The following KLF12 variants were observed in gnomAD, a reference collection of about 807,000 sequenced individuals.
KLF12 encodes the protein Krueppel-like factor 12.
A neutral mutation model predicts 37.8 loss-of-function variants in KLF12; 9 were observed. The observed-to-expected ratio is 0.24, with a 90% CI of 0.14 to 0.42. KLF12 has a LOEUF of 0.42. Among genes scored for constraint, KLF12 ranks in the 10% least tolerant of loss-of-function variants. The pLI, the probability that KLF12 is intolerant of heterozygous loss-of-function variation, is 1.00. For missense variants in KLF12, 411 were observed against 516.0 expected (o/e 0.80, Z 1.97); for synonymous variants, 208 against 202.1 (o/e 1.03, Z -0.25).
At position 73,687,899 on chromosome 13, in the gene KLF12, T is replaced by C. The variant is rs1055050458; in HGVS notation, c.*7591A>G. On this transcript the variant is annotated 3_prime_UTR_variant, in exon 8 of 8. Coordinates refer to ENST00000377669, the MANE Select transcript of KLF12 (RefSeq NM_007249.5). Reference sequence around the variant, plus strand: ...AGTACTGAGGCGACTGTTTCCACTATTGATCTCTTTTCAACTCACTTCAAG... The same window carrying C: ...AGTACTGAGGCGACTGTTTCCACTACTGATCTCTTTTCAACTCACTTCAAG... 9 of 152,346 alleles carry C rather than the reference T, an allele frequency of 5.9e-5. No individual in the cohort carries two copies. Among genetic ancestry groups the C allele is most frequent in the South Asian group, 4.1e-4 (2 of 4,822 alleles). The allele number at this position is 152,346 out of a possible 1,614,324, so 9.4% of individuals were successfully genotyped here. A position where few individuals can be genotyped will look rare whatever the true frequency, so the allele number is the denominator to read the frequency against.
At chr13:74,066,541 T>C (rs987095041) in intron 1 of KLF12, among the ~76,000 whole-genome samples, 1 of 152,032 alleles carries the variant, frequency 6.6e-6, no homozygotes, top group African/African-American at 2.4e-5. Context: ...GTAGTCCCAG[T>C]TACTCAGGAG....
At chr13:73,804,982 G>A (rs1285702540) in intron 5 of KLF12, among the ~76,000 whole-genome samples, 1 of 152,128 alleles carries the variant, frequency 6.6e-6, no homozygotes, top group African/African-American at 2.4e-5. Context: ...GCTTTCTTGG[G>A]CTTTTTCTCA....
chr13:74,112,406 G>GTGTA (rs1348702007), intron 1 of KLF12, among the ~76,000 whole-genome samples: 1 of 151,860 alleles, frequency 6.6e-6, no homozygotes, highest in Non-Finnish European at 1.5e-5. Flanking sequence ...GTGTGTGTGT[G>GTGTA]TGTGTGTGTG....
At chr13:74,086,353 G>A (rs1391352251) in intron 1 of KLF12, among the ~76,000 whole-genome samples, 1 of 144,618 alleles carries the variant, frequency 6.9e-6, no homozygotes, top group East Asian at 2.0e-4. Flanking sequence ...CCATCTATGA[G>A]TGAGAACATG....
chr13:73,794,821 A>G (rs144547016), intron 5 of KLF12, among the ~76,000 whole-genome samples: 1 of 152,340 alleles, frequency 6.6e-6, no homozygotes, highest in East Asian at 1.9e-4. Flanking sequence ...ACCTGTCCCT[A>G]TGCAAGGTTC....
intron 5 of KLF12, among the ~76,000 whole-genome samples, chr13:73,812,337 G>A (rs1445035679): frequency 2.4e-4 from 37 of 151,122 alleles, no homozygotes. Flanking sequence ...TAATAATACT[G>A]TACTGTATAC....
chr13:74,200,023 ATT>A, the KLF12 span, among the ~76,000 whole-genome samples: 1 of 152,136 alleles, frequency 6.6e-6, no homozygotes, highest in Non-Finnish European at 1.5e-5. Context: ...ATTAAAGTTG[ATT>A]TTTAAATTTA....
At chr13:73,943,168 A>C (rs1422641732) in intron 3 of KLF12, among the ~76,000 whole-genome samples, 1 of 152,218 alleles carries the variant, frequency 6.6e-6, no homozygotes, top group Non-Finnish European at 1.5e-5. Flanking sequence ...GACACTGATA[A>C]GGTAAAGATT....
At chr13:73,820,905 C>T (rs1297288003) in intron 4 of KLF12, among the ~76,000 whole-genome samples, 1 of 152,126 alleles carries the variant, frequency 6.6e-6, no homozygotes, top group African/African-American at 2.4e-5. Flanking sequence ...CCCTTGGCCT[C>T]GGGGATAGGC....
intron 1 of KLF12, among the ~76,000 whole-genome samples, chr13:74,091,655 T>C (rs1007256070): frequency 6.6e-6 from 1 of 151,672 alleles, no homozygotes; most frequent in Admixed American, 6.6e-5. Context: ...GTTGCCAGGA[T>C]TAGGGAGAGG....
Position 73,851,962 on chromosome 13 carries a change from C to A in KLF12, c.124-5589G>T, listed in dbSNP as rs189161392. On this transcript the variant is annotated intron_variant, in intron 3 of 7. Transcript: ENST00000377669. ...GTGCCTGGGTTTCCCTTAGTAAATACAATTTTTTATTAGTAGTAAATGAAA... is the reference window on the plus strand; with the variant it reads ...GTGCCTGGGTTTCCCTTAGTAAATAAAATTTTTTATTAGTAGTAAATGAAA... Among the ~76,000 whole-genome samples the A allele has an allele frequency of 1.5e-3, 235 of 152,200 alleles. 1 individual carries two copies. Among genetic ancestry groups the A allele is most frequent in the Middle Eastern group, 0.01 (3 of 294 alleles).
intron 1 of KLF12, among the ~76,000 whole-genome samples, chr13:74,026,137 A>C (rs1925047): frequency 0.66 from 98,320 of 150,020 alleles, 32,625 homozygotes; most frequent in East Asian, 0.84. Context: ...TACATGAAAA[A>C]ATTAACTCAA....
intron 1 of KLF12, among the ~76,000 whole-genome samples, chr13:74,062,153 G>A (rs908828396): frequency 6.6e-6 from 1 of 152,242 alleles, no homozygotes; most frequent in South Asian, 2.1e-4. Flanking sequence ...ACCCCTGAGT[G>A]CACCCATGTT....
chr13:73,901,603 G>T (rs1888043612), intron 3 of KLF12, among the ~76,000 whole-genome samples: 1 of 151,926 alleles, frequency 6.6e-6, no homozygotes, highest in South Asian at 2.1e-4. Flanking sequence ...CCAAAATGGA[G>T]CACACAAATC....
intron 2 of KLF12, among the ~76,000 whole-genome samples, chr13:73,968,915 C>G (rs1390375498): frequency 1.3e-5 from 2 of 152,052 alleles, no homozygotes; most frequent in African/African-American, 4.8e-5. Context: ...CACCTCTCCC[C>G]TGAGTTCTGG....
At chr13:74,008,048 G>T (rs1445225783) in intron 1 of KLF12, among the ~76,000 whole-genome samples, 1 of 152,044 alleles carries the variant, frequency 6.6e-6, no homozygotes, top group African/African-American at 2.4e-5. Flanking sequence ...GGGATACAAG[G>T]GGCTGACTTT....
chr13:74,014,712 C>T (rs1284106855), intron 1 of KLF12, among the ~76,000 whole-genome samples: 1 of 152,098 alleles, frequency 6.6e-6, no homozygotes, highest in Non-Finnish European at 1.5e-5. Context: ...CAGTTCAATC[C>T]AAAAATTTTC....
chr13:73,810,981 T>TCTTC (rs1882900685), intron 5 of KLF12, among the ~76,000 whole-genome samples: 2 of 101,986 alleles, frequency 2.0e-5, no homozygotes, highest in African/African-American at 7.4e-5. Context: ...AATTTTTCTT[T>TCTTC]CTTTTTTTTT....
At chr13:74,011,427 A>T (rs1892548931) in intron 1 of KLF12, among the ~76,000 whole-genome samples, 2 of 152,310 alleles carry the variant, frequency 1.3e-5, no homozygotes, top group South Asian at 4.1e-4. Flanking sequence ...GCAATACAAA[A>T]ATAACTTTAA....
Sources: allele counts gnomAD v4.1 joint callset (sites outside exome capture counted in the v4.1 genomes callset), GRCh38; gene constraint gnomAD v4.1.1; transcripts MANE v1.5; gene names NCBI Gene and HGNC (gene_info 2026-07-23, HGNC 2026-07-21).